TBC1D5: variants seen among roughly 807,000 people sequenced by gnomAD.
The protein encoded by TBC1D5 is TBC1 domain family member 5.
TBC1D5 carries 75 observed loss-of-function variants against 100.3 expected under a neutral mutation model. The ratio of observed to expected loss-of-function variants is 0.75; its 90% CI spans 0.62 to 0.91. The LOEUF (loss-of-function observed/expected upper bound fraction) is 0.91. Among genes scored for constraint, TBC1D5 ranks in the 40% least tolerant of loss-of-function variants. TBC1D5 has a pLI of 0.00. For synonymous variants in TBC1D5, 323 were observed against 325.6 expected (o/e 0.99, Z 0.09); for missense variants, 910 against 942.4 (o/e 0.97, Z 0.45).
rs2095063564 is a variant in TBC1D5 at position 17,455,534 on chromosome 3, G to GTT, written c.98-27016_98-27015insAA. The stretch of plus-strand genomic sequence containing the variant: ...TGTGTATATATATATATATATATGT[G>GTT]TGTGTGTGTGTATATATATATAGGT... On this transcript the variant is annotated intron_variant, in intron 3 of 21. Transcript: ENST00000253692. 2.0e-4 allele frequency among the ~76,000 whole-genome samples: 29 copies of GTT among 144,982 alleles called. No individual in the cohort carries two copies. The South Asian group carries it at 6.2e-3, about 31-fold the overall frequency.
At chr3:17,656,289 G>C (rs919026129) in intron 1 of TBC1D5, among the ~76,000 whole-genome samples, 1 of 152,044 alleles carries the variant, frequency 6.6e-6, no homozygotes, top group African/African-American at 2.4e-5. Flanking sequence ...TTCAGAACCT[G>C]GTTCATTTGA....
chr3:17,536,745 CA>C (rs2096285435), intron 2 of TBC1D5, among the ~76,000 whole-genome samples: 1 of 152,060 alleles, frequency 6.6e-6, no homozygotes, highest in African/African-American at 2.4e-5. Flanking sequence ...TGATTTACCC[CA>C]AAAAGAGCAT....
At chr3:17,414,446 C>T (rs2094012505) in intron 4 of TBC1D5, among the ~76,000 whole-genome samples, 1 of 152,116 alleles carries the variant, frequency 6.6e-6, no homozygotes, top group East Asian at 1.9e-4. Context: ...CAATGCCAAG[C>T]ACTGTACCAT....
At chr3:17,346,560 A>G (rs1575452804) in intron 13 of TBC1D5, among the ~76,000 whole-genome samples, 1 of 152,148 alleles carries the variant, frequency 6.6e-6, no homozygotes, top group East Asian at 1.9e-4. Context: ...ATGGTTTCCC[A>G]TGATATATTG....
Position 17,480,567 on chromosome 3 carries a change from T to A in TBC1D5, c.97+27907A>T, listed in dbSNP as rs1282900296. On this transcript the variant is annotated intron_variant, in intron 3 of 21. Coordinates refer to ENST00000253692, the Ensembl canonical transcript of TBC1D5. ...GTCTCCTCAATTCATGGTGACAAACTGCCTGTGGAAAGGAGCTACCCACTC... is the reference window on the plus strand; with the variant it reads ...GTCTCCTCAATTCATGGTGACAAACAGCCTGTGGAAAGGAGCTACCCACTC... 2.6e-5 allele frequency among the ~76,000 whole-genome samples: 4 copies of A among 152,150 alleles called. No individual in the cohort carries two copies. In the East Asian group the frequency reaches 7.7e-4, roughly 29 times the overall value.
intron 15 of TBC1D5, among the ~76,000 whole-genome samples, chr3:17,266,189 G>A (rs2078828966): frequency 6.6e-6 from 1 of 152,066 alleles, no homozygotes; most frequent in African/African-American, 2.4e-5. Context: ...GGTTCACAAA[G>A]GTCTCACCAT....
At position 17,470,896 on chromosome 3, in the gene TBC1D5, G is replaced by A. The variant is rs115409028; in HGVS notation, c.97+37578C>T. On this transcript the variant is annotated intron_variant, in intron 3 of 21. Coordinates refer to ENST00000253692, the Ensembl canonical transcript of TBC1D5. ...AGATCGCACCACTGTACTCCAGCCC[G>A]GACGACAGAGTGATAATCCATCTCA... Among the ~76,000 whole-genome samples the A allele has an allele frequency of 3.6e-3, 550 of 152,170 alleles. 4 individuals carry two copies. The highest frequency in any genetic ancestry group is 0.013 in the African/African-American group (533 of 41,504).
exon 1 of TBC1D5, chr3:17,740,604 G>A (rs925694367): frequency 3.9e-5 from 6 of 152,046 alleles, no homozygotes; most frequent in African/African-American, 7.2e-5. Context: ...TTTAATTTAC[G>A]TGTGAAAAAA....
rs1018879715 is a variant in TBC1D5, at chr3:17,596,953, G to C, written c.-36+26896C>G. ...CCTGATCTATTGGCACACTAAGTCA[G>C]GTCTGGCAATAATGTTCTGGTGACT... On this transcript the variant is annotated intron_variant, in intron 2 of 21. Coordinates refer to ENST00000253692, the Ensembl canonical transcript of TBC1D5. Among the ~76,000 whole-genome samples, 59 of 152,092 alleles carry C rather than the reference G, an allele frequency of 3.9e-4. 1 individual carries two copies. The highest frequency in any genetic ancestry group is 2.4e-3 in the Admixed American group (36 of 15,278).
At chr3:17,533,302 G>A (rs1022820595) in intron 2 of TBC1D5, among the ~76,000 whole-genome samples, 9 of 150,184 alleles carry the variant, frequency 6.0e-5, no homozygotes, top group African/African-American at 2.3e-4. Context: ...ACCCAAGCTG[G>A]TTACTCAACA....
intron 3 of TBC1D5, among the ~76,000 whole-genome samples, chr3:17,504,013 G>A (rs954927576): frequency 2.0e-5 from 3 of 149,068 alleles, no homozygotes; most frequent in African/African-American, 7.7e-5. Flanking sequence ...GAGAACAGAG[G>A]ATAAAACAGG....
At chr3:17,401,224 C>A (rs1214088674) in intron 8 of TBC1D5, among the ~76,000 whole-genome samples, 2 of 148,570 alleles carry the variant, frequency 1.3e-5, no homozygotes, top group Non-Finnish European at 3.0e-5. Flanking sequence ...TGTGTGTGTA[C>A]ATACACACAC....
At chr3:17,367,070 G>C (rs1050225528) in intron 13 of TBC1D5, among the ~76,000 whole-genome samples, 3 of 152,074 alleles carry the variant, frequency 2.0e-5, no homozygotes, top group African/African-American at 7.2e-5. Flanking sequence ...GACATTAATT[G>C]CATATCCCAC....
chr3:17,433,305 G>C (rs1243781911), intron 3 of TBC1D5, among the ~76,000 whole-genome samples: 2 of 152,208 alleles, frequency 1.3e-5, no homozygotes, highest in Non-Finnish European at 2.9e-5. Flanking sequence ...CTGCTATAAA[G>C]CACTGCCTGA....
chr3:17,669,370 AAAG>A (rs1323314905), intron 1 of TBC1D5, among the ~76,000 whole-genome samples: 3 of 152,198 alleles, frequency 2.0e-5, no homozygotes, highest in African/African-American at 7.2e-5. Context: ...ATACAACGAC[AAAG>A]AAGATAATAA....
intron 18 of TBC1D5, among the ~76,000 whole-genome samples, chr3:17,203,769 C>T (rs1185759307): frequency 1.3e-5 from 2 of 152,174 alleles, no homozygotes; most frequent in Non-Finnish European, 2.9e-5. Context: ...TGAGGCCTCC[C>T]CAGCCATGCT....
At chr3:17,236,953 A>G (rs1394608983) in intron 17 of TBC1D5, among the ~76,000 whole-genome samples, 1 of 152,218 alleles carries the variant, frequency 6.6e-6, no homozygotes, top group African/African-American at 2.4e-5. Flanking sequence ...ACACTCATTG[A>G]ATAATACTCA....
intron 1 of TBC1D5, among the ~76,000 whole-genome samples, chr3:17,674,195 G>A (rs1332629257): frequency 6.6e-6 from 1 of 151,636 alleles, no homozygotes; most frequent in Non-Finnish European, 1.5e-5. Context: ...TCCATCTTGT[G>A]TTAACCTTTC....
intron 13 of TBC1D5, among the ~76,000 whole-genome samples, chr3:17,331,085 T>A (rs950218379): frequency 1.3e-5 from 2 of 152,164 alleles, no homozygotes; most frequent in African/African-American, 4.8e-5. Flanking sequence ...ACTACACCCT[T>A]AATGTGTCCC....
Sources: gnomAD v4.1 joint callset for allele counts (sites outside exome capture counted in the v4.1 genomes callset) on GRCh38, gnomAD v4.1.1 for gene constraint, MANE v1.5 for transcripts, NCBI Gene and HGNC (gene_info 2026-07-23, HGNC 2026-07-21) for gene names.